COBL: variants seen among roughly 807,000 people sequenced by gnomAD.
COBL encodes protein cordon-bleu.
COBL carries 51 observed loss-of-function variants against 98.8 expected under a neutral mutation model. The ratio of observed to expected loss-of-function variants is 0.52; its 90% confidence interval spans 0.41 to 0.65. The LOEUF is 0.65. Among genes scored for constraint, COBL ranks in the 30% least tolerant of loss-of-function variants. The pLI, the probability that COBL is intolerant of heterozygous loss-of-function variation, is 0.00. For synonymous variants in COBL, 634 were observed against 651.7 expected, an observed-to-expected ratio of 0.97 and a Z score of 0.41; for missense variants, 1,617 against 1,617.5, an observed-to-expected ratio of 1.00 and a Z score of 0.01.
In COBL at chr7:51,244,910, A is replaced by T. The variant is rs371412002; in HGVS notation, c.42-24966T>A. ...AGTTCCAGAAAAGGGCTAAGCTCAC[A>T]TCTCTTCTAAGGCTTCACCCATTTT... On this transcript the variant is annotated intron_variant, in intron 1 of 12. Coordinates refer to ENST00000265136, the MANE Select transcript of COBL (RefSeq NM_015198.5). Among the ~76,000 whole-genome samples the T allele has an allele frequency of 4.9e-4, 74 of 152,302 alleles. No homozygotes were observed. The South Asian group carries it at 0.015, about 30-fold the overall frequency.
intron 6 of COBL, among the ~76,000 whole-genome samples, chr7:51,102,884 G>A (rs1270105528): frequency 6.6e-6 from 1 of 152,208 alleles, no homozygotes; most frequent in African/African-American, 2.4e-5. Context: ...GAGTGGAAAG[G>A]TGGTTGCCAG....
At chr7:51,137,818 T>C (rs189543809) in intron 5 of COBL, among the ~76,000 whole-genome samples, 1 of 150,496 alleles carries the variant, frequency 6.6e-6, no homozygotes, top group African/African-American at 2.5e-5. Context: ...AATAGACAGA[T>C]GACCCTCTGG....
At chr7:51,135,398 A>G (rs1298689204) in intron 6 of COBL, among the ~76,000 whole-genome samples, 1 of 152,180 alleles carries the variant, frequency 6.6e-6, no homozygotes, top group African/African-American at 2.4e-5. Flanking sequence ...CCCAGGGATA[A>G]AGAACAACCA....
chr7:51,097,446 C>T (rs1238672397), intron 6 of COBL, among the ~76,000 whole-genome samples: 1 of 152,130 alleles, frequency 6.6e-6, no homozygotes, highest in African/African-American at 2.4e-5. Flanking sequence ...GGAGTCCTAG[C>T]CATAACAATT....
At chr7:51,307,345 T>C (rs1284959743) in intron 1 of COBL, among the ~76,000 whole-genome samples, 1 of 100,278 alleles carries the variant, frequency 1.0e-5, no homozygotes, top group African/African-American at 3.0e-5. Flanking sequence ...CAAGACTCCA[T>C]CTCAAAACAA....
chr7:51,177,534 G>T (rs1034291034), intron 5 of COBL, among the ~76,000 whole-genome samples: 1 of 152,126 alleles, frequency 6.6e-6, no homozygotes, highest in Non-Finnish European at 1.5e-5. Context: ...AGCACTCTGG[G>T]GGGCTGAGGC....
chr7:51,264,143 G>GC (rs1178043051), intron 1 of COBL, among the ~76,000 whole-genome samples: 1 of 152,130 alleles, frequency 6.6e-6, no homozygotes, highest in Non-Finnish European at 1.5e-5. Flanking sequence ...TCCAATCGCA[G>GC]CCCCCAAGCC....
At chr7:51,066,195 C>T in intron 7 of COBL, among the ~76,000 whole-genome samples, 1 of 152,182 alleles carries the variant, frequency 6.6e-6, no homozygotes, top group East Asian at 1.9e-4. Flanking sequence ...CTGTGGTGTC[C>T]TCTGATCTTC....
chr7:51,044,060 T>C (rs1240245117), intron 7 of COBL, among the ~76,000 whole-genome samples: 1 of 152,232 alleles, frequency 6.6e-6, no homozygotes, highest in Non-Finnish European at 1.5e-5. Flanking sequence ...ATGTGAGATC[T>C]TTAGAAAAAC....
intron 5 of COBL, among the ~76,000 whole-genome samples, chr7:51,153,397 G>C (rs1288070291): frequency 2.0e-5 from 3 of 152,198 alleles, no homozygotes; most frequent in Non-Finnish European, 4.4e-5. Context: ...AAAACAAGAA[G>C]TCATCCCTAT....
intron 12 of COBL, among the ~76,000 whole-genome samples, chr7:51,024,165 C>T (rs558740144): frequency 1.3e-5 from 2 of 152,002 alleles, no homozygotes; most frequent in South Asian, 2.1e-4. Flanking sequence ...AAAAATTAGC[C>T]GGGCGTGGTG....
chr7:51,116,930 T>A (rs777144607), intron 6 of COBL, among the ~76,000 whole-genome samples: 2 of 151,976 alleles, frequency 1.3e-5, no homozygotes, highest in Non-Finnish European at 2.9e-5. Flanking sequence ...TCACTTTCTT[T>A]TATATATATA....
intron 2 of COBL, among the ~76,000 whole-genome samples, chr7:51,203,324 T>G (rs1158034455): frequency 4.3e-4 from 53 of 124,082 alleles, no homozygotes; most frequent in African/African-American, 8.2e-4. Context: ...TAGCCGGGTG[T>G]AGTGGCGGGC....
Position 51,248,821 on chromosome 7 carries a change from C to T in COBL, c.42-28877G>A, listed in dbSNP as rs117953811. On this transcript the variant is annotated intron_variant, in intron 1 of 12. Transcript: ENST00000265136. The stretch of plus-strand genomic sequence containing the variant: ...ATGGGCATAGGCACAACAATGTTGC[C>T]TAGTGATTAAATTTTTAAGGAGAAA... 8.0e-3 allele frequency among the ~76,000 whole-genome samples: 1,213 copies of T among 152,128 alleles called. 58 individuals are homozygous for T. In the South Asian group the frequency reaches 0.13, roughly 17 times the overall value.
intron 1 of COBL, among the ~76,000 whole-genome samples, chr7:51,270,399 A>G (rs984629161): frequency 1.3e-5 from 2 of 152,182 alleles, no homozygotes; most frequent in Non-Finnish European, 1.5e-5. Flanking sequence ...ATTCATTCAC[A>G]TATCTATGAT....
intron 7 of COBL, among the ~76,000 whole-genome samples, chr7:51,079,321 T>G (rs79114071): frequency 2.4e-3 from 359 of 152,338 alleles, no homozygotes; most frequent in African/African-American, 8.2e-3. Context: ...CCTAAAATGC[T>G]GGGTACTAGA....
intron 5 of COBL, among the ~76,000 whole-genome samples, chr7:51,153,683 A>G (rs1785799045): frequency 6.6e-6 from 1 of 152,188 alleles, no homozygotes; most frequent in Non-Finnish European, 1.5e-5. Context: ...CTTGTCATCA[A>G]GGAAATGGGG....
intron 1 of COBL, among the ~76,000 whole-genome samples, chr7:51,224,247 T>C (rs1406591985): frequency 6.6e-6 from 1 of 152,226 alleles, no homozygotes; most frequent in Non-Finnish European, 1.5e-5. Flanking sequence ...CATTAAGCTA[T>C]GTATGACCGT....
At chr7:51,057,143 T>C (rs1280538881) in intron 7 of COBL, among the ~76,000 whole-genome samples, 1 of 152,194 alleles carries the variant, frequency 6.6e-6, no homozygotes, top group African/African-American at 2.4e-5. Context: ...AGAGATTGTG[T>C]TCAGGGGCCC....
Sources: gnomAD v4.1 joint callset for allele counts (sites outside exome capture counted in the v4.1 genomes callset) on GRCh38, gnomAD v4.1.1 for gene constraint, MANE v1.5 for transcripts, NCBI Gene and HGNC (gene_info 2026-07-23, HGNC 2026-07-21) for gene names.